The following SOCS7 variants were observed in gnomAD, a reference collection of about 807,000 sequenced individuals.
SOCS7 encodes NAP-4.
Under a neutral mutation model 58.9 loss-of-function variants are expected in SOCS7, and 18 were observed. That is an observed-to-expected ratio of 0.31 (90% CI 0.21 to 0.45). The LOEUF (loss-of-function observed/expected upper bound fraction) is 0.45, where lower values mean the gene tolerates loss of function less well. Ranked by LOEUF, SOCS7 falls within the 20% of genes least tolerant of loss-of-function variation. SOCS7 has a pLI of 1.00. For missense variants in SOCS7, 667 were observed against 837.3 expected (o/e 0.80, Z 2.51); for synonymous variants, 388 against 364.3 (o/e 1.06, Z -0.74).
At chr17:38,383,907 C>T (rs1296684838) in intron 7 of SOCS7, among the ~76,000 whole-genome samples, 1 of 152,148 alleles carries the variant, frequency 6.6e-6, no homozygotes, top group Non-Finnish European at 1.5e-5. Context: ...TAGACATACT[C>T]AGAAGAGGTT....
chr17:38,379,173 A>C (rs2037969337), intron 7 of SOCS7, among the ~76,000 whole-genome samples: 2 of 148,558 alleles, frequency 1.3e-5, no homozygotes, highest in Non-Finnish European at 3.0e-5. Flanking sequence ...AAAAAAACAA[A>C]AAAAAACAAA....
rs1262434853 is a variant in SOCS7, at chr17:38,405,556, G to A, written c.*6074G>A. The A allele has an allele frequency of 6.6e-6, 1 of 152,014 alleles. No individual in the cohort carries two copies. The highest frequency in any genetic ancestry group is 6.6e-5 in the Admixed American group (1 of 15,250). 9.4% of individuals were successfully genotyped at this position (152,014 alleles called of 1,614,324 possible). Reference sequence around the variant, plus strand: ...ACCTACCCATGTCTTTTTGGGGAGGGGTGAAAAGAGATTTGAAATAAAAAT... The same window carrying A: ...ACCTACCCATGTCTTTTTGGGGAGGAGTGAAAAGAGATTTGAAATAAAAAT... On this transcript the variant is annotated 3_prime_UTR_variant, in exon 10 of 10. Coordinates refer to ENST00000612932, the MANE Select transcript of SOCS7 (RefSeq NM_014598.4).
chr17:38,369,674 C>CTTT (rs11299884), intron 6 of SOCS7, among the ~76,000 whole-genome samples: 7 of 125,966 alleles, frequency 5.6e-5, no homozygotes, highest in East Asian at 2.3e-4. Context: ...TCTCCGATTA[C>CTTT]TTTTTTTTTT....
chr17:38,402,458 G>T lies in SOCS7; in HGVS notation c.*2976G>T, dbSNP rs1195778033. 1 of 152,516 alleles carries T rather than the reference G, an allele frequency of 6.6e-6. No homozygotes were observed. The highest frequency in any genetic ancestry group is 1.5e-5 in the Non-Finnish European group (1 of 68,292). The allele number at this position is 152,516 out of a possible 1,614,324, so 9.4% of individuals were successfully genotyped here. A position where few individuals can be genotyped will look rare whatever the true frequency, so the allele number is the denominator to read the frequency against. Reference sequence around the variant, plus strand: ...TAAATGTATTCCTTTCTAGGTCTGGGCGCGGTGGCTCACGCCTGTAATCCC... The same window carrying T: ...TAAATGTATTCCTTTCTAGGTCTGGTCGCGGTGGCTCACGCCTGTAATCCC... On this transcript the variant is annotated 3_prime_UTR_variant, in exon 10 of 10. Coordinates refer to ENST00000612932, the MANE Select transcript of SOCS7 (RefSeq NM_014598.4).
At position 38,402,977 on chromosome 17, in the gene SOCS7, G is replaced by GTAGC. The variant is rs1329697579; in HGVS notation, c.*3496_*3499dup. The GTAGC allele has an allele frequency of 6.6e-6, 1 of 152,206 alleles. No individual in the cohort carries two copies. Among genetic ancestry groups the GTAGC allele is most frequent in the East Asian group, 1.9e-4 (1 of 5,196 alleles). 9.4% of individuals were successfully genotyped at this position (152,206 alleles called of 1,614,324 possible). On this transcript the variant is annotated 3_prime_UTR_variant, in exon 10 of 10. Coordinates refer to ENST00000612932, the MANE Select transcript of SOCS7 (RefSeq NM_014598.4). Reference sequence around the variant, plus strand: ...TACTTGAAATTCGTGTGCTATGTTGGTAGCACAGGAGTAGGCGGGCGGGGG... The same window carrying GTAGC: ...TACTTGAAATTCGTGTGCTATGTTGGTAGCTAGCACAGGAGTAGGCGGGCGGGGG...
chr17:38,372,394 C>T (rs1256797326), intron 6 of SOCS7, among the ~76,000 whole-genome samples: 1 of 152,204 alleles, frequency 6.6e-6, no homozygotes, highest in African/African-American at 2.4e-5. Flanking sequence ...AGTATTAAAT[C>T]ATAACTGCAT....
At chr17:38,354,154 A>G (rs1456018768) in intron 1 of SOCS7, among the ~76,000 whole-genome samples, 1 of 152,214 alleles carries the variant, frequency 6.6e-6, no homozygotes, top group Non-Finnish European at 1.5e-5. Flanking sequence ...CAGTGAAATT[A>G]GTTACCTTGT....
At chr17:38,394,475 C>G (rs1597714163) in intron 7 of SOCS7, among the ~76,000 whole-genome samples, 1 of 152,132 alleles carries the variant, frequency 6.6e-6, no homozygotes, top group Non-Finnish European at 1.5e-5. Context: ...CTGTTACCTT[C>G]TACTTACCAG....
rs2037897461 is a variant in SOCS7 at position 38,373,802 on chromosome 17, A to G, written c.1553-3912A>G. 4.6e-5 allele frequency among the ~76,000 whole-genome samples: 7 copies of G among 152,190 alleles called. No individual in the cohort carries two copies. The South Asian group carries it at 1.4e-3, about 31-fold the overall frequency. On this transcript the variant is annotated intron_variant, in intron 6 of 9. Transcript: ENST00000612932. The stretch of plus-strand genomic sequence containing the variant: ...GCGACGTCGCTAATTCAGCCTTTAG[A>G]TCAGGTGGGTCATAAGGACCTTTAA...
chr17:38,392,107 C>CA, intron 7 of SOCS7, among the ~76,000 whole-genome samples: 1 of 152,188 alleles, frequency 6.6e-6, no homozygotes, highest in Non-Finnish European at 1.5e-5. Context: ...ACATTTTTAA[C>CA]TGCTTCTGTT....
At chr17:38,381,956 A>AAC (rs1339354203) in intron 7 of SOCS7, among the ~76,000 whole-genome samples, 1 of 148,250 alleles carries the variant, frequency 6.7e-6, no homozygotes, top group African/African-American at 2.5e-5. Context: ...CAAAAAAAAA[A>AAC]AAAAAAAAAA....
At chr17:38,360,342 G>A (rs1461956526) in intron 1 of SOCS7, among the ~76,000 whole-genome samples, 2 of 149,910 alleles carry the variant, frequency 1.3e-5, no homozygotes, top group Non-Finnish European at 3.0e-5. Context: ...GATTACAGGT[G>A]CATGCCACCA....
Position 38,352,100 on chromosome 17 carries a change from T to A in SOCS7, c.48T>A (p.Ala16=), listed in dbSNP as rs992547992. 1 of 554,928 alleles carries A rather than the reference T, an allele frequency of 1.8e-6. No homozygotes were observed. Among genetic ancestry groups the A allele is most frequent in the African/African-American group, 2.1e-5 (1 of 48,748 alleles). 34.4% of individuals were successfully genotyped at this position (554,928 alleles called of 1,614,324 possible). The change falls in exon 1 of 10, where the codon GCT becomes GCA. Residue 16 remains alanine, a synonymous_variant. Coordinates refer to ENST00000612932, the MANE Select transcript of SOCS7 (RefSeq NM_014598.4). The surrounding 1 kb of genome is among the most constrained non-coding windows in gnomAD (Gnocchi z 5.5). ...LRDGEAAAAA[A]SYRVLSRLLG... is the part of the protein sequence containing the mutation. ...ATGGCGAGGCGGCGGCGGCGGCCGC[T>A]TCGTACCGCGTCCTGAGCCGCCTCC...
rs2144415453 is a variant in SOCS7 at position 38,400,664 on chromosome 17, C to T, written c.*1182C>T. The T allele has an allele frequency of 6.6e-6, 1 of 152,274 alleles. No homozygotes were observed. Among genetic ancestry groups the T allele is most frequent in the African/African-American group, 2.4e-5 (1 of 41,566 alleles). 9.4% of individuals were successfully genotyped at this position (152,274 alleles called of 1,614,324 possible). ...CTGGGATGGGAGGTAGCAAGGGCTT[C>T]TGTATTTTCTTGTGTTCATTCTAGC... On this transcript the variant is annotated 3_prime_UTR_variant, in exon 10 of 10. Coordinates refer to ENST00000612932, the MANE Select transcript of SOCS7 (RefSeq NM_014598.4).
At chr17:38,390,806 G>C (rs4566225) in intron 7 of SOCS7, among the ~76,000 whole-genome samples, 40,577 of 149,828 alleles carry the variant, frequency 0.27, 7,812 homozygotes, top group African/African-American at 0.55. Flanking sequence ...AGTGTGTCCT[G>C]CACTTCAGCC....
intron 7 of SOCS7, among the ~76,000 whole-genome samples, chr17:38,385,626 C>A (rs2038059225): frequency 1.3e-5 from 2 of 152,020 alleles, no homozygotes. Context: ...TTCATTTTTC[C>A]ATGAATGCTT....
At position 38,401,435 on chromosome 17, in the gene SOCS7, A is replaced by G. The variant is rs1167337158; in HGVS notation, c.*1953A>G. ...ATCTGTTGAGATCCTTGGGTGGCTG[A>G]TATACAGCCTGGGATCTTTCTTTTT... On this transcript the variant is annotated 3_prime_UTR_variant, in exon 10 of 10. Coordinates refer to ENST00000612932, the MANE Select transcript of SOCS7 (RefSeq NM_014598.4). The G allele has an allele frequency of 6.6e-6, 1 of 151,994 alleles. No individual in the cohort carries two copies. The highest frequency in any genetic ancestry group is 1.5e-5 in the Non-Finnish European group (1 of 68,032). The allele number at this position is 151,994 out of a possible 1,614,324, so 9.4% of individuals were successfully genotyped here. A position where few individuals can be genotyped will look rare whatever the true frequency, so the allele number is the denominator to read the frequency against.
At chr17:38,387,534 A>G (rs2038091081) in intron 7 of SOCS7, among the ~76,000 whole-genome samples, 1 of 142,528 alleles carries the variant, frequency 7.0e-6, no homozygotes, top group Admixed American at 7.3e-5. Flanking sequence ...TATTATATAC[A>G]CAATATATAG....
intron 1 of SOCS7, among the ~76,000 whole-genome samples, chr17:38,354,110 T>C (rs906087400): frequency 2.6e-5 from 4 of 152,224 alleles, no homozygotes; most frequent in Non-Finnish European, 5.9e-5. Context: ...GTTACATCTG[T>C]AGCGTTGGTT....
Sources: allele counts gnomAD v4.1 joint callset (sites outside exome capture counted in the v4.1 genomes callset), GRCh38; gene constraint gnomAD v4.1.1; non-coding constraint Gnocchi (gnomAD v3.1); transcripts MANE v1.5; gene names NCBI Gene and HGNC (gene_info 2026-07-23, HGNC 2026-07-21).